The following PAX9 variants were observed in gnomAD, a reference collection of about 807,000 sequenced individuals.
PAX9 encodes paired box protein Pax-9.
PAX9 carries 6 observed loss-of-function variants against 29.1 expected under a neutral mutation model. The ratio of observed to expected loss-of-function variants is 0.21; its 90% CI spans 0.11 to 0.41. The LOEUF (loss-of-function observed/expected upper bound fraction) is 0.41. PAX9 is among the 10% of genes least tolerant of loss of function. The probability of loss-of-function intolerance (pLI) is 1.00; values close to 1 mark genes in which losing one functional copy is unlikely to be tolerated. For missense variants in PAX9, 443 were observed against 479.1 expected, an observed-to-expected ratio of 0.92 and a Z score of 0.70; for synonymous variants, 217 against 211.7, an observed-to-expected ratio of 1.03 and a Z score of -0.22.
In PAX9 at chr14:36,677,568, T is replaced by C. The variant is rs1186151383; in HGVS notation, c.*1116T>C. The C allele has an allele frequency of 6.6e-6, 1 of 152,222 alleles. No homozygotes were observed. The highest frequency in any genetic ancestry group is 1.5e-5 in the Non-Finnish European group (1 of 68,042). The allele number at this position is 152,222 out of a possible 1,614,324, so 9.4% of individuals were successfully genotyped here. A position where few individuals can be genotyped will look rare whatever the true frequency, so the allele number is the denominator to read the frequency against. On this transcript the variant is annotated 3_prime_UTR_variant, in exon 4 of 4. Transcript: ENST00000361487. ...ACTGTGAAACTAAATTGTCCTATTA[T>C]TGTTGGCTTACCTGTGTGTTCAGCA...
intron 3 of PAX9, among the ~76,000 whole-genome samples, chr14:36,675,623 T>A (rs1881856568): frequency 6.6e-6 from 1 of 152,244 alleles, no homozygotes; most frequent in Non-Finnish European, 1.5e-5. Context: ...AGTGCCTGAT[T>A]TTTGTATGTC....
chr14:36,658,735 C>T (rs1328726573), upstream of PAX9: 1 of 152,264 alleles, frequency 6.6e-6, no homozygotes, highest in Non-Finnish European at 1.5e-5. Context: ...AAGGGGGCGC[C>T]GCAGGTGACT....
chr14:36,662,403 A>G (rs1429731831), intron 1 of PAX9, among the ~76,000 whole-genome samples: 2 of 152,208 alleles, frequency 1.3e-5, no homozygotes, highest in Admixed American at 6.5e-5. Context: ...GCGCGCACAC[A>G]TGCAAACAAA....
upstream of PAX9, chr14:36,661,768 C>A: frequency 2.1e-6 from 1 of 479,696 alleles, no homozygotes; most frequent in South Asian, 2.7e-5. Context: ...CGCTCACCGA[C>A]CCGCACCAAT....
intron 2 of PAX9, among the ~76,000 whole-genome samples, chr14:36,664,179 TTC>T (rs200436617): frequency 6.6e-6 from 1 of 151,766 alleles, no homozygotes; most frequent in Admixed American, 6.6e-5. Flanking sequence ...CATATTCACA[TTC>T]TCTCTCTCTC....
At chr14:36,675,067 A>G (rs1881833834) in intron 3 of PAX9, among the ~76,000 whole-genome samples, 2 of 152,230 alleles carry the variant, frequency 1.3e-5, no homozygotes, top group Admixed American at 1.3e-4. Flanking sequence ...CATCTGATTA[A>G]CTTAATTCTA....
upstream of PAX9, among the ~76,000 whole-genome samples, chr14:36,659,819 T>C (rs985992249): frequency 2.8e-4 from 43 of 152,278 alleles, no homozygotes; most frequent in African/African-American, 1.0e-3. Flanking sequence ...GTTACCTCCA[T>C]ATAACCAGAG....
intron 3 of PAX9, among the ~76,000 whole-genome samples, chr14:36,675,659 T>G (rs1228039460): frequency 6.6e-6 from 1 of 152,238 alleles, no homozygotes; most frequent in Non-Finnish European, 1.5e-5. Flanking sequence ...ATTTTCAATA[T>G]GATCTCTTAA....
At position 36,679,335 on chromosome 14, in the gene PAX9, G is replaced by A. The variant is rs1882079234; in HGVS notation, c.*2883G>A. 1.0e-6 allele frequency: 1 copy of A among 968,836 alleles called. No homozygotes were observed. Among genetic ancestry groups the A allele is most frequent in the Non-Finnish European group, 1.2e-6 (1 of 814,974 alleles). The allele number at this position is 968,836 out of a possible 1,614,324, so 60.0% of individuals were successfully genotyped here. A position where few individuals can be genotyped will look rare whatever the true frequency, so the allele number is the denominator to read the frequency against. ...AGCCTTTTATTTTTATACTTCAAAT[G>A]CTCTAAATTAATAAAAAGTAATAAT... On this transcript the variant is annotated 3_prime_UTR_variant, in exon 4 of 4. Coordinates refer to ENST00000361487, the MANE Select transcript of PAX9 (RefSeq NM_001372076.1).
chr14:36,664,169 C>G (rs899922765), intron 2 of PAX9, among the ~76,000 whole-genome samples: 1 of 152,228 alleles, frequency 6.6e-6, no homozygotes, highest in African/African-American at 2.4e-5. Flanking sequence ...CAGACGAAGT[C>G]ATATTCACAT....
intron 3 of PAX9, among the ~76,000 whole-genome samples, chr14:36,668,718 G>C (rs1435223341): frequency 6.6e-6 from 1 of 151,998 alleles, no homozygotes; most frequent in Non-Finnish European, 1.5e-5. Context: ...TTGAATTATA[G>C]ATCTAACATT....
At position 36,676,305 on chromosome 14, in the gene PAX9, T is replaced by C; in HGVS notation, c.879T>C (p.Pro293=). 2 of 1,614,216 alleles carry C rather than the reference T, an allele frequency of 1.2e-6. No homozygotes were observed. The highest frequency in any genetic ancestry group is 1.7e-6 in the Non-Finnish European group (2 of 1,180,040). Residue 293 remains proline (P), a synonymous_variant, in exon 4 of 4, where the codon CCT becomes CCC. Transcript: ENST00000361487. ...VSPYMTYSAA[P]SGYVAGHGWQ... ...CTTACATGACCTACAGTGCTGCTCC[T>C]TCTGGTTATGTTGCTGGACATGGGT...
chr14:36,676,470 A>T lies in PAX9; in HGVS notation c.*18A>T, dbSNP rs980784280. On this transcript the variant is annotated 3_prime_UTR_variant, in exon 4 of 4. Transcript: ENST00000361487. ...CGCTCTGATGGGAAATTCCGTCTCC[A>T]GCAGCTTCACCCGGGTCTCCCTGTC... The T allele has an allele frequency of 6.2e-7, 1 of 1,610,056 alleles. No individual in the cohort carries two copies. Among genetic ancestry groups the T allele is most frequent in the Admixed American group, 1.7e-5 (1 of 59,996 alleles).
At position 36,663,466 on chromosome 14, in the gene PAX9, T is replaced by C. The variant is rs766889588; in HGVS notation, c.574T>C (p.Trp192Arg). The change falls in exon 2 of 4, where the codon TGG (tryptophan) becomes CGG (arginine). Residue 192 changes from tryptophan to arginine, a missense_variant. Physicochemically the swap from Trp to Arg is moderately radical, Grantham distance 101 (BLOSUM62 -3). Transcript: ENST00000361487. ...IPGSVAMPRT[W>R]PSSHSVTDIL... ...CGGTTCGGTGGCCATGCCGCGCACCTGGCCCTCCTCGCACTCCGTCACCGA... is the reference window on the plus strand; with the variant it reads ...CGGTTCGGTGGCCATGCCGCGCACCCGGCCCTCCTCGCACTCCGTCACCGA... 2 of 1,613,032 alleles carry C rather than the reference T, an allele frequency of 1.2e-6. No homozygotes were observed. The highest frequency in any genetic ancestry group is 3.3e-5 in the Admixed American group (2 of 60,012).
intron 3 of PAX9, among the ~76,000 whole-genome samples, chr14:36,667,097 C>T (rs1172395304): frequency 6.6e-6 from 1 of 152,200 alleles, no homozygotes; most frequent in East Asian, 1.9e-4. Context: ...CACGTTCGGA[C>T]TTTCTCTCCG....
intron 2 of PAX9, 89 bp from the exon 3 acceptor site, chr14:36,666,373 C>G (rs1363757532): frequency 6.6e-7 from 1 of 1,519,166 alleles, no homozygotes; most frequent in East Asian, 2.4e-5. Flanking sequence ...CTAAGCCCTC[C>G]AGCTCTCCGT....
rs1882071310 is a variant in PAX9 at position 36,679,268 on chromosome 14, A to C, written c.*2816A>C. On this transcript the variant is annotated 3_prime_UTR_variant, in exon 4 of 4. Transcript: ENST00000361487. ...AATTTTAAAAAACACGTTGGAAAGG[A>C]TGTACAACAGAAGGCTATGTATGTA... 1 of 982,914 alleles carries C rather than the reference A, an allele frequency of 1.0e-6. No homozygotes were observed. Among genetic ancestry groups the C allele is most frequent in the African/African-American group, 1.7e-5 (1 of 57,184 alleles). The allele number at this position is 982,914 out of a possible 1,614,324, so 60.9% of individuals were successfully genotyped here. A position where few individuals can be genotyped will look rare whatever the true frequency, so the allele number is the denominator to read the frequency against.
chr14:36,672,324 A>G (rs1456854844), intron 3 of PAX9, among the ~76,000 whole-genome samples: 1 of 152,192 alleles, frequency 6.6e-6, no homozygotes, highest in Non-Finnish European at 1.5e-5. Flanking sequence ...AGCTTTTCAG[A>G]TTAATTACAT....
At position 36,666,527 on chromosome 14, in the gene PAX9, T is replaced by C. The variant is rs200733091; in HGVS notation, c.697T>C (p.Phe233Leu). Residue 233 changes from phenylalanine (F) to leucine (L), a missense_variant, in exon 3 of 4, where the codon TTC becomes CTC. By Grantham distance (22) the Phe-to-Leu change is conservative. Coordinates refer to ENST00000361487, the MANE Select transcript of PAX9 (RefSeq NM_001372076.1). ...EEWSSLGRNN[F>L]PAAAPHAVNG... is the part of the protein sequence containing the mutation. ...GTGGAGCAGCCTGGGCCGCAACAAC[T>C]TCCCCGCCGCCGCCCCGCACGCGGT... The C allele has an allele frequency of 1.6e-4, 252 of 1,599,132 alleles. No individual in the cohort carries two copies. Among genetic ancestry groups the C allele is most frequent in the Non-Finnish European group, 2.0e-4 (236 of 1,173,298 alleles).
Sources: gnomAD v4.1 joint callset for allele counts (sites outside exome capture counted in the v4.1 genomes callset) on GRCh38, gnomAD v4.1.1 for gene constraint, MANE v1.5 for transcripts, NCBI Gene and HGNC (gene_info 2026-07-23, HGNC 2026-07-21) for gene names.